GPHN: variants seen among roughly 807,000 people sequenced by gnomAD.
GPHN encodes gephyrin.
Under a neutral mutation model 95.5 loss-of-function variants are expected in GPHN, and 17 were observed. The observed-to-expected ratio is 0.18, with a 90% CI of 0.12 to 0.27. GPHN has a LOEUF of 0.27. GPHN is among the 10% of genes least tolerant of loss of function. GPHN has a pLI of 1.00. For synonymous variants in GPHN, 320 were observed against 322.5 expected (o/e 0.99, Z 0.08); for missense variants, 660 against 978.1 (o/e 0.67, Z 4.34).
intron 8 of GPHN, among the ~76,000 whole-genome samples, chr14:66,960,796 G>C (rs1253141426): frequency 6.6e-6 from 1 of 152,052 alleles, no homozygotes; most frequent in Non-Finnish European, 1.5e-5. Flanking sequence ...GGTGTGCCCA[G>C]CCCTGGGCAT....
chr14:66,799,051 T>TC (rs1181077510), intron 3 of GPHN, among the ~76,000 whole-genome samples: 1 of 152,004 alleles, frequency 6.6e-6, no homozygotes, highest in African/African-American at 2.4e-5. Context: ...TTCAGTTTTC[T>TC]TCTTAATTTC....
At chr14:66,649,575 CAT>C (rs1435553798) in intron 1 of GPHN, among the ~76,000 whole-genome samples, 2 of 152,148 alleles carry the variant, frequency 1.3e-5, no homozygotes, top group African/African-American at 4.8e-5. Context: ...GTGAACTACA[CAT>C]GTGAGAGATC....
chr14:66,818,887 T>C lies in GPHN; in HGVS notation c.202-5587T>C, dbSNP rs183572151. ...CATATGCTTATAGGACACATGTATG[T>C]CTTCTTCTGAGAAGTGTCTGTTCAT... On this transcript the variant is annotated intron_variant, in intron 3 of 22. Transcript: ENST00000478722. Among the ~76,000 whole-genome samples the C allele has an allele frequency of 8.3e-4, 127 of 152,384 alleles. 3 individuals are homozygous for C. The East Asian group carries it at 0.02, about 25-fold the overall frequency.
At chr14:67,534,895 G>A in the GPHN span, among the ~76,000 whole-genome samples, 5 of 152,168 alleles carry the variant, frequency 3.3e-5, no homozygotes, top group Non-Finnish European at 7.3e-5. Context: ...TGATGTATAT[G>A]AAATGGTGTA....
chr14:66,873,689 G>T (rs190985343), intron 4 of GPHN, among the ~76,000 whole-genome samples: 3 of 152,334 alleles, frequency 2.0e-5, no homozygotes, highest in African/African-American at 7.2e-5. Flanking sequence ...TGGCAAAGCT[G>T]CTGTAGCCAG....
At chr14:67,694,605 G>C in the GPHN span, among the ~76,000 whole-genome samples, 9 of 151,492 alleles carry the variant, frequency 5.9e-5, no homozygotes, top group African/African-American at 1.5e-4. Context: ...ATGTGGATAA[G>C]AGGATCTTGT....
chr14:66,728,775 G>A (rs544125420), intron 2 of GPHN, among the ~76,000 whole-genome samples: 4 of 152,260 alleles, frequency 2.6e-5, no homozygotes, highest in Admixed American at 2.0e-4. Context: ...GAGACTTTGG[G>A]CTGTGAACTT....
intron 2 of GPHN, among the ~76,000 whole-genome samples, chr14:66,703,076 G>T (rs2068714588): frequency 1.3e-5 from 2 of 152,126 alleles, no homozygotes; most frequent in Admixed American, 1.3e-4. Flanking sequence ...AATAAGGCAT[G>T]CAGACAAGAG....
the GPHN span, among the ~76,000 whole-genome samples, chr14:67,643,575 G>C: frequency 2.0e-5 from 3 of 152,242 alleles, no homozygotes; most frequent in Non-Finnish European, 4.4e-5. Context: ...TGCAGGCCCA[G>C]CTACTCAGGA....
chr14:66,535,582 T>C (rs1039907372), intron 1 of GPHN, among the ~76,000 whole-genome samples: 3 of 152,162 alleles, frequency 2.0e-5, no homozygotes, highest in African/African-American at 4.8e-5. Flanking sequence ...TATAGAGTCT[T>C]CTAGTCCATG....
At chr14:66,525,111 A>T (rs2058634430) in intron 1 of GPHN, among the ~76,000 whole-genome samples, 1 of 152,162 alleles carries the variant, frequency 6.6e-6, no homozygotes, top group East Asian at 1.9e-4. Context: ...TTACACTCCC[A>T]AGAGTGTAAA....
chr14:67,269,643 C>T, the GPHN span: 2 of 152,564 alleles, frequency 1.3e-5, no homozygotes, highest in East Asian at 3.8e-4. Context: ...CTCCTTTACC[C>T]CCCAAAACAC....
intron 1 of GPHN, among the ~76,000 whole-genome samples, chr14:66,658,544 G>T (rs2065445171): frequency 6.6e-6 from 1 of 152,126 alleles, no homozygotes; most frequent in Non-Finnish European, 1.5e-5. Flanking sequence ...CCACCACCAT[G>T]ATGAGTTAGC....
At chr14:66,855,734 T>A (rs1436037436) in intron 4 of GPHN, among the ~76,000 whole-genome samples, 1 of 152,180 alleles carries the variant, frequency 6.6e-6, no homozygotes, top group East Asian at 1.9e-4. Flanking sequence ...TTAGTTCTTA[T>A]ACTATAGATA....
chr14:66,953,327 T>C (rs578074004), intron 8 of GPHN, among the ~76,000 whole-genome samples: 3 of 152,076 alleles, frequency 2.0e-5, no homozygotes, highest in East Asian at 1.9e-4. Context: ...TTTTTAAGTT[T>C]AATGAAGTCC....
the GPHN span, among the ~76,000 whole-genome samples, chr14:67,203,754 C>G: frequency 2.0e-5 from 3 of 152,180 alleles, no homozygotes; most frequent in Non-Finnish European, 4.4e-5. Context: ...GCACTGTCAC[C>G]CAGGCTGGAG....
chr14:67,193,646 T>A, the GPHN span, among the ~76,000 whole-genome samples: 1 of 146,134 alleles, frequency 6.8e-6, no homozygotes, highest in South Asian at 2.1e-4. Flanking sequence ...GATATAGATA[T>A]ATAGAAATTA....
At chr14:66,968,357 A>G (rs2069495434) in intron 9 of GPHN, among the ~76,000 whole-genome samples, 1 of 152,040 alleles carries the variant, frequency 6.6e-6, no homozygotes, top group Admixed American at 6.6e-5. Flanking sequence ...AAGGAGTGAT[A>G]TCCAGCACAA....
chr14:66,892,755 C>T (rs1005801237), intron 5 of GPHN, among the ~76,000 whole-genome samples: 18 of 152,010 alleles, frequency 1.2e-4, no homozygotes, highest in African/African-American at 3.6e-4. Flanking sequence ...GAGTGGATAG[C>T]GAGAAGAGAA....
Sources: gnomAD v4.1 joint callset for allele counts (sites outside exome capture counted in the v4.1 genomes callset) on GRCh38, gnomAD v4.1.1 for gene constraint, MANE v1.5 for transcripts, NCBI Gene and HGNC (gene_info 2026-07-23, HGNC 2026-07-21) for gene names.